The following FRY variants were observed in gnomAD, a reference collection of about 807,000 sequenced individuals.
FRY encodes FRY microtubule binding protein, also known as protein furry homolog.
FRY carries 128 observed loss-of-function variants against 348.4 expected under a neutral mutation model. The observed-to-expected ratio is 0.37, with a 90% CI of 0.32 to 0.43. The LOEUF (loss-of-function observed/expected upper bound fraction) is 0.43. Ranked by LOEUF, FRY falls within the 20% of genes least tolerant of loss-of-function variation. The pLI is 1.00. For synonymous variants in FRY, 1,370 were observed against 1,374.7 expected (o/e 1.00, Z 0.08); for missense variants, 2,736 against 3,695.2 (o/e 0.74, Z 6.73).
intron 1 of FRY, chr13:32,061,080 A>C (rs1310772255): frequency 1.9e-6 from 1 of 532,588 alleles, no homozygotes; most frequent in Admixed American, 1.9e-5. Context: ...CCAGACTGTT[A>C]GTTTGGGTTT....
At chr13:32,058,508 C>G (rs777029114) in intron 1 of FRY, among the ~76,000 whole-genome samples, 1 of 152,146 alleles carries the variant, frequency 6.6e-6, no homozygotes, top group Non-Finnish European at 1.5e-5. Context: ...AGTTTTATGT[C>G]TGCTTTGTGT....
chr13:32,278,494 A>G lies in FRY; in HGVS notation c.8415A>G (p.Ala2805=). 1.2e-6 allele frequency: 2 copies of G among 1,601,854 alleles called. No individual in the cohort carries two copies. The change falls in exon 58 of 61, where the codon GCA becomes GCG. Residue 2805 remains alanine (A), a synonymous_variant. Transcript: ENST00000542859. ...TTGCAAATTGTAAGGCAACATTTGC[A>G]GGGGGATCAAGAGATGGAGTAATTA... ...SWLANCKATF[A]GGSRDGVITC...
At chr13:32,186,209 G>T (rs375559929) in intron 26 of FRY, 51 bp from the exon 27 acceptor site, 1 of 1,257,984 alleles carries the variant, frequency 7.9e-7, no homozygotes, top group Non-Finnish European at 1.2e-6. Context: ...ATATAATAGC[G>T]ATATACAGTA....
At chr13:32,236,917 T>A (rs1403088559) in intron 43 of FRY, among the ~76,000 whole-genome samples, 2 of 152,194 alleles carry the variant, frequency 1.3e-5, no homozygotes, top group Non-Finnish European at 2.9e-5. Flanking sequence ...CAGCATAGAC[T>A]TAGAAATAAT....
intron 41 of FRY, among the ~76,000 whole-genome samples, chr13:32,232,403 A>G (rs544367229): frequency 1.3e-5 from 2 of 152,254 alleles, no homozygotes; most frequent in Admixed American, 1.3e-4. Context: ...TACATACACA[A>G]TGTATTCCTG....
At chr13:32,048,571 T>G (rs57739036) in intron 1 of FRY, among the ~76,000 whole-genome samples, 11 of 152,370 alleles carry the variant, frequency 7.2e-5, no homozygotes, top group African/African-American at 2.2e-4. Flanking sequence ...GTAAAAATAC[T>G]AACTTTTTCC....
intron 31 of FRY, among the ~76,000 whole-genome samples, 153 bp downstream of exon 31, chr13:32,202,680 G>A (rs528714829): frequency 7.2e-5 from 11 of 152,278 alleles, no homozygotes; most frequent in Middle Eastern, 6.8e-3. Flanking sequence ...CAGGCACGAT[G>A]CCACGCATTC....
chr13:32,094,518 A>G (rs1012042780), intron 2 of FRY, among the ~76,000 whole-genome samples: 18 of 151,042 alleles, frequency 1.2e-4, no homozygotes, highest in African/African-American at 4.4e-4. Context: ...ACCCCCCACT[A>G]TCCTTCCCAG....
intron 2 of FRY, among the ~76,000 whole-genome samples, chr13:32,096,650 G>A (rs1876741227): frequency 6.6e-6 from 1 of 151,724 alleles, no homozygotes; most frequent in African/African-American, 2.4e-5. Flanking sequence ...AATTAGCCAG[G>A]CATGGTGGCA....
At position 32,261,828 on chromosome 13, in the gene FRY, C is replaced by A. The variant is rs745700020; in HGVS notation, c.7617+12C>A. On this transcript the variant is annotated intron_variant, in intron 52 of 60. Transcript: ENST00000542859. ...AGCACTCAGACCTAGTAAGTAGCGG[C>A]TCTCCCACTCTAAGAATTGGGAGGC... 1 of 1,611,614 alleles carries A rather than the reference C, an allele frequency of 6.2e-7. No individual in the cohort carries two copies. Among genetic ancestry groups the A allele is most frequent in the Non-Finnish European group, 8.5e-7 (1 of 1,177,696 alleles).
In FRY at chr13:32,224,330, G is replaced by T. The variant is rs1566146129; in HGVS notation, c.4861G>T (p.Ala1621Ser). ...LPMPCTGGCW[A>S]PLVDYLPETI... ...GATGCCTTGTACTGGAGGATGCTGG[G>T]CCCCCCTGGTTGACTATCTCCCGGA... Residue 1621 changes from alanine to serine, a missense_variant, in exon 37 of 61, where the codon GCC becomes TCC. This residue lies in a region of FRY where 794 missense variants were observed against 977.0 expected (regional missense o/e 0.81). Coordinates refer to ENST00000542859, the MANE Select transcript of FRY (RefSeq NM_023037.3). 6.2e-7 allele frequency: 1 copy of T among 1,613,918 alleles called. No homozygotes were observed. Among genetic ancestry groups the T allele is most frequent in the Non-Finnish European group, 8.5e-7 (1 of 1,179,944 alleles).
In FRY at chr13:32,194,096, A is replaced by G. The variant is rs763908163; in HGVS notation, c.3592-47A>G. The G allele has an allele frequency of 3.9e-6, 6 of 1,543,038 alleles. No individual in the cohort carries two copies. In the African/African-American group the frequency reaches 8.1e-5, roughly 21 times the overall value. ...CTTTATCTGTATCTTTCTCTAGAAC[A>G]TTCTTTCATCAAATGGGAATAATAT... On this transcript the variant is annotated intron_variant, in intron 28 of 60. Transcript: ENST00000542859.
Position 32,296,928 on chromosome 13 carries a change from G to A in FRY, c.*1468G>A, listed in dbSNP as rs1786460282. The A allele has an allele frequency of 6.6e-6, 1 of 152,190 alleles. No homozygotes were observed. The highest frequency in any genetic ancestry group is 1.5e-5 in the Non-Finnish European group (1 of 68,038). 9.4% of individuals were successfully genotyped at this position (152,190 alleles called of 1,614,324 possible). ...TCTAATTCTCCATAACCTATAATTA[G>A]GTTGTCATCCTTCAAATTTGGAAGT... On this transcript the variant is annotated 3_prime_UTR_variant, in exon 61 of 61. Transcript: ENST00000542859.
chr13:32,051,339 G>A (rs779321283), intron 1 of FRY, among the ~76,000 whole-genome samples: 4 of 152,200 alleles, frequency 2.6e-5, no homozygotes, highest in Non-Finnish European at 5.9e-5. Flanking sequence ...GGAAGAAGCA[G>A]AGGAAGGGAG....
chr13:32,125,253 G>T (rs1443289909), intron 7 of FRY, among the ~76,000 whole-genome samples: 1 of 152,176 alleles, frequency 6.6e-6, no homozygotes, highest in African/African-American at 2.4e-5. Context: ...TTCCATTCTA[G>T]AATGTCCCCT....
intron 1 of FRY, among the ~76,000 whole-genome samples, chr13:32,062,978 A>G (rs78405651): frequency 0.079 from 11,968 of 151,962 alleles, 508 homozygotes; most frequent in African/African-American, 0.11. Context: ...ATTTTATAAT[A>G]GAATGCATAC....
chr13:32,161,856 T>C (rs1881460727), intron 17 of FRY, among the ~76,000 whole-genome samples: 1 of 152,218 alleles, frequency 6.6e-6, no homozygotes, highest in Non-Finnish European at 1.5e-5. Context: ...GAACCTAAAA[T>C]TTATTTTCTT....
At chr13:32,132,432 C>T (rs968169844) in intron 8 of FRY, among the ~76,000 whole-genome samples, 2 of 151,946 alleles carry the variant, frequency 1.3e-5, no homozygotes, top group Non-Finnish European at 2.9e-5. Context: ...GATGACCTTA[C>T]TAGAGGGTTT....
intron 41 of FRY, among the ~76,000 whole-genome samples, chr13:32,231,941 C>T (rs765030220): frequency 1.3e-5 from 2 of 152,178 alleles, no homozygotes; most frequent in Admixed American, 6.5e-5. Context: ...AAATCCAGCT[C>T]CCTGGCTTTT....
Sources: allele counts gnomAD v4.1 joint callset (sites outside exome capture counted in the v4.1 genomes callset), GRCh38; gene constraint gnomAD v4.1.1; regional missense constraint gnomAD v4.1.1; transcripts MANE v1.5; gene names NCBI Gene and HGNC (gene_info 2026-07-23, HGNC 2026-07-21).